MSL1: variants seen among roughly 807,000 people sequenced by gnomAD.
MSL1 encodes the protein MSL complex subunit 1.
MSL1 carries 21 observed loss-of-function variants against 64.6 expected under a neutral mutation model. The ratio of observed to expected loss-of-function variants is 0.33; its 90% confidence interval spans 0.23 to 0.47. The LOEUF (loss-of-function observed/expected upper bound fraction) is 0.47, where lower values mean the gene tolerates loss of function less well. MSL1 is among the 20% of genes least tolerant of loss of function. MSL1 has a pLI of 1.00. For synonymous variants in MSL1, 339 were observed against 329.6 expected (o/e 1.03, Z -0.31); for missense variants, 664 against 793.2 (o/e 0.84, Z 1.96).
intron 3 of MSL1, 65 bp downstream of exon 3, chr17:40,129,692 A>G (rs1421485398): frequency 6.9e-7 from 1 of 1,457,868 alleles, no homozygotes; most frequent in African/African-American, 1.4e-5. Flanking sequence ...AAGTGTGAAA[A>G]TGCCTTTGGC....
chr17:40,129,161 T>C (rs1469550550), intron 2 of MSL1, 84 bp from the exon 3 acceptor site: 1 of 1,193,900 alleles, frequency 8.4e-7, no homozygotes, highest in Non-Finnish European at 1.2e-6. Context: ...AGAACCAGCT[T>C]ATTCTTTTGC....
At position 40,133,115 on chromosome 17, in the gene MSL1, G is replaced by A. The variant is rs1271528932; in HGVS notation, c.1556+6G>A. 6.2e-7 allele frequency: 1 copy of A among 1,603,246 alleles called. No individual in the cohort carries two copies. Among genetic ancestry groups the A allele is most frequent in the East Asian group, 2.2e-5 (1 of 44,620 alleles). ...GATGAGAAGAGAAGGAAAAGGTGAGGCCAGAGATGTCCATCCTGGAAACAA... is the reference window on the plus strand; with the variant it reads ...GATGAGAAGAGAAGGAAAAGGTGAGACCAGAGATGTCCATCCTGGAAACAA... On this transcript the variant is annotated splice_donor_region_variant and intron_variant, in intron 6 of 8. Coordinates refer to ENST00000398532, the MANE Select transcript of MSL1 (RefSeq NM_001365919.1).
Position 40,131,748 on chromosome 17 carries a change from T to C in MSL1, c.1423+164T>C. 2.8e-6 allele frequency: 2 copies of C among 724,518 alleles called. No homozygotes were observed. Among genetic ancestry groups the C allele is most frequent in the Admixed American group, 2.4e-5 (1 of 41,208 alleles). The allele number at this position is 724,518 out of a possible 1,614,324, so 44.9% of individuals were successfully genotyped here. On this transcript the variant is annotated intron_variant, in intron 4 of 8. Transcript: ENST00000398532. The surrounding 1 kb of genome is among the most constrained non-coding windows in gnomAD (Gnocchi z 4.5). ...ACTTCAAAATGACAACAAATTTCAG[T>C]TGTTTTTCAGGAACTGCTATAGCAT...
intron 1 of MSL1, among the ~76,000 whole-genome samples, chr17:40,125,184 GTCCT>G (rs1396498926): frequency 3.3e-5 from 5 of 152,036 alleles, no homozygotes; most frequent in Non-Finnish European, 7.4e-5. Flanking sequence ...TAGTTTTTTA[GTCCT>G]TCCTTTTAAC....
Position 40,134,619 on chromosome 17 carries a change from A to ATAG in MSL1, c.*251_*253dup, listed in dbSNP as rs1389484497. On this transcript the variant is annotated 3_prime_UTR_variant, in exon 9 of 9. Transcript: ENST00000398532. ...GGAAATGGGCTCTCAAGCTAAAGCT[A>ATAG]TAGGATGGCAGATTCAGAAGTTTCA... 2.1e-6 allele frequency: 1 copy of ATAG among 477,784 alleles called. No individual in the cohort carries two copies. Among genetic ancestry groups the ATAG allele is most frequent in the Non-Finnish European group, 3.8e-6 (1 of 262,978 alleles). 29.6% of individuals were successfully genotyped at this position (477,784 alleles called of 1,614,324 possible).
At chr17:40,132,253 A>T (rs918297799) in intron 5 of MSL1, among the ~76,000 whole-genome samples, 155 bp downstream of exon 5, 1 of 152,266 alleles carries the variant, frequency 6.6e-6, no homozygotes, top group Non-Finnish European at 1.5e-5. Flanking sequence ...TTCATTTTAT[A>T]GATTAAAAAA....
In MSL1 at chr17:40,122,777, G is replaced by C; in HGVS notation, c.165G>C (p.Pro55=). ...FLPRHRKLKE[P]GPPLASSQGG... Reference sequence around the variant, plus strand: ...CCCGGCACCGTAAGCTCAAGGAGCCGGGGCCCCCGCTGGCCTCCTCCCAGG... The same window carrying C: ...CCCGGCACCGTAAGCTCAAGGAGCCCGGGCCCCCGCTGGCCTCCTCCCAGG... The change falls in exon 1 of 9, where the codon CCG becomes CCC. Residue 55 remains proline, a synonymous_variant. Transcript: ENST00000398532. The surrounding 1 kb of genome is among the most constrained non-coding windows in gnomAD (Gnocchi z 4.2). The C allele has an allele frequency of 7.2e-7, 1 of 1,383,796 alleles. No homozygotes were observed. The highest frequency in any genetic ancestry group is 9.3e-7 in the Non-Finnish European group (1 of 1,078,092). 85.7% of individuals were successfully genotyped at this position (1,383,796 alleles called of 1,614,324 possible). A position where few individuals can be genotyped will look rare whatever the true frequency, so the allele number is the denominator to read the frequency against.
chr17:40,122,564 T>TTCCCCCCCCCCCCCTCCCCCCC lies in MSL1; in HGVS notation c.-44_-43insCCCCCCCCCTCCCCCCCTCCCC. ...TCCTCGACCCCCCGCACCTCGCCCC[T>TTCCCCCCCCCCCCCTCCCCCCC]TCCCCACCCCCTCCTCCGCCTCGGT... is the stretch of plus-strand genomic sequence containing the variant. On this transcript the variant is annotated 5_prime_UTR_variant, in exon 1 of 9. Coordinates refer to ENST00000398532, the MANE Select transcript of MSL1 (RefSeq NM_001365919.1). This position sits in a 1 kb window ranked among gnomAD's most constrained non-coding sequence, Gnocchi z 4.2. 1.0e-6 allele frequency: 1 copy of TTCCCCCCCCCCCCCTCCCCCCC among 976,538 alleles called. No individual in the cohort carries two copies. Among genetic ancestry groups the TTCCCCCCCCCCCCCTCCCCCCC allele is most frequent in the Non-Finnish European group, 1.3e-6 (1 of 774,240 alleles). The allele number at this position is 976,538 out of a possible 1,614,324, so 60.5% of individuals were successfully genotyped here.
Position 40,122,534 on chromosome 17 carries a change from CT to C in MSL1, c.-78del, listed in dbSNP as rs950123139. ...AGCCCGCCAAACTCCCCTCCCCCCCCTCAGTCCTCGACCCCCCGCACCTCGC... is the reference window on the plus strand; with the variant it reads ...AGCCCGCCAAACTCCCCTCCCCCCCCCAGTCCTCGACCCCCCGCACCTCGC... On this transcript the variant is annotated 5_prime_UTR_variant, in exon 1 of 9. Transcript: ENST00000398532. The surrounding 1 kb of genome is among the most constrained non-coding windows in gnomAD (Gnocchi z 4.2). 19 of 947,830 alleles carry C rather than the reference CT, an allele frequency of 2.0e-5. No individual in the cohort carries two copies. The East Asian group carries it at 3.0e-4, about 15-fold the overall frequency. 58.7% of individuals were successfully genotyped at this position (947,830 alleles called of 1,614,324 possible).
intron 1 of MSL1, chr17:40,124,857 C>T (rs1598410259): frequency 6.6e-6 from 1 of 152,254 alleles, no homozygotes; most frequent in East Asian, 1.9e-4. Flanking sequence ...TGCTCAGTTC[C>T]TGAGGTAATG....
Position 40,123,400 on chromosome 17 carries a change from G to A in MSL1, c.768+20G>A. On this transcript the variant is annotated intron_variant, in intron 1 of 8. Coordinates refer to ENST00000398532, the MANE Select transcript of MSL1 (RefSeq NM_001365919.1). ...GACACGGTACGGGAGGGGTTAATCT[G>A]CATTCGGGCCGAGGAGCGAGTTGTG... 1 of 1,533,400 alleles carries A rather than the reference G, an allele frequency of 6.5e-7. No individual in the cohort carries two copies. The highest frequency in any genetic ancestry group is 2.4e-5 in the East Asian group (1 of 40,872). 95.0% of individuals were successfully genotyped at this position (1,533,400 alleles called of 1,614,324 possible). A position where few individuals can be genotyped will look rare whatever the true frequency, so the allele number is the denominator to read the frequency against.
In MSL1 at chr17:40,123,586, AG is replaced by A. The variant is rs1449875727; in HGVS notation, c.768+211del. ...GGGAAGGGTTAAAGGGCAACCTCTCAGGGGGAGGGGGAGGGGTTTCAGGTGC... is the reference window on the plus strand; with the variant it reads ...GGGAAGGGTTAAAGGGCAACCTCTCAGGGGAGGGGGAGGGGTTTCAGGTGC... On this transcript the variant is annotated intron_variant, in intron 1 of 8. Transcript: ENST00000398532. Among the ~76,000 whole-genome samples, 6 of 151,546 alleles carry A rather than the reference AG, an allele frequency of 4.0e-5. No homozygotes were observed. The South Asian group carries it at 1.0e-3, about 26-fold the overall frequency.
chr17:40,134,447 CT>C lies in MSL1; in HGVS notation c.*81del. 1 of 1,173,510 alleles carries C rather than the reference CT, an allele frequency of 8.5e-7. No homozygotes were observed. The highest frequency in any genetic ancestry group is 1.2e-6 in the Non-Finnish European group (1 of 803,732). 72.7% of individuals were successfully genotyped at this position (1,173,510 alleles called of 1,614,324 possible). A position where few individuals can be genotyped will look rare whatever the true frequency, so the allele number is the denominator to read the frequency against. ...AGTGGCAGAGACCTGTATATGTGAC[CT>C]TTGTCCTCACATATGTTATCACTCG... On this transcript the variant is annotated 3_prime_UTR_variant, in exon 9 of 9. Coordinates refer to ENST00000398532, the MANE Select transcript of MSL1 (RefSeq NM_001365919.1).
Position 40,133,848 on chromosome 17 carries a change from C to A in MSL1, c.1703C>A (p.Pro568His), listed in dbSNP as rs201242174. Residue 568 changes from proline to histidine, a missense_variant, in exon 8 of 9, where the codon CCC (proline) becomes CAC (histidine). By Grantham distance (77) the Pro-to-His change is moderately conservative (BLOSUM62 -2). This residue lies in a region of MSL1 where 76 missense variants were observed against 98.5 expected (regional missense o/e 0.77). Coordinates refer to ENST00000398532, the MANE Select transcript of MSL1 (RefSeq NM_001365919.1). The part of the protein sequence containing the change: ...PDDVESLMIT[P>H]FLPVVAFGRP... Reference sequence around the variant, plus strand: ...ATAGTTGAAAGTTTGATGATTACCCCCTTCTTGCCTGTTGTAGCATTTGGA... The same window carrying A: ...ATAGTTGAAAGTTTGATGATTACCCACTTCTTGCCTGTTGTAGCATTTGGA... 8 of 1,613,898 alleles carry A rather than the reference C, an allele frequency of 5.0e-6. No homozygotes were observed. Among genetic ancestry groups the A allele is most frequent in the South Asian group, 3.3e-5 (3 of 91,082 alleles).
chr17:40,123,468 C>T, intron 1 of MSL1, 88 bp downstream of exon 1: 4 of 1,349,288 alleles, frequency 3.0e-6, no homozygotes, highest in Non-Finnish European at 4.1e-6. Context: ...TAAGGCACCC[C>T]CGGGTTAGGG....
At chr17:40,129,657 C>T (rs1309546895) in intron 3 of MSL1, 30 bp downstream of exon 3, 2 of 1,518,712 alleles carry the variant, frequency 1.3e-6, no homozygotes, top group African/African-American at 1.4e-5. Context: ...TGCTCTTATA[C>T]CCTAGTGGTG....
rs1272915676 is a variant in MSL1, at chr17:40,123,124, G to T, written c.512G>T (p.Gly171Val). The T allele has an allele frequency of 6.5e-7, 1 of 1,531,820 alleles. No individual in the cohort carries two copies. The highest frequency in any genetic ancestry group is 1.4e-5 in the African/African-American group (1 of 72,784). The allele number at this position is 1,531,820 out of a possible 1,614,324, so 94.9% of individuals were successfully genotyped here. The change falls in exon 1 of 9, where the codon GGA becomes GTA. Residue 171 changes from glycine to valine, a missense_variant. Physicochemically the swap from Gly to Val is moderately radical, Grantham distance 109. Transcript: ENST00000398532. Reference protein sequence around the residue: ...SPAATASDPAGPPPLPLPGPP... With the variant: ...SPAATASDPAVPPPLPLPGPP... ...GCTGCCACCGCCTCGGACCCGGCGG[G>T]ACCCCCACCACTACCTCTGCCCGGG...
Position 40,128,549 on chromosome 17 carries a change from AT to A in MSL1, c.993-684del, listed in dbSNP as rs1169931022. On this transcript the variant is annotated intron_variant, in intron 2 of 8. Coordinates refer to ENST00000398532, the MANE Select transcript of MSL1 (RefSeq NM_001365919.1). The stretch of plus-strand genomic sequence containing the variant: ...GCCACCACGCCTGACTAATTTTTGT[AT>A]TTTTTTTTTTTAGTAGAGACGGGGT... Among the ~76,000 whole-genome samples, 924 of 139,912 alleles carry A rather than the reference AT, an allele frequency of 6.6e-3. 3 individuals carry two copies. Among genetic ancestry groups the A allele is most frequent in the African/African-American group, 0.019 (719 of 38,568 alleles). 91.8% of individuals were successfully genotyped at this position (139,912 alleles called of 152,430 possible).
At chr17:40,132,599 A>C (rs1408197725) in intron 5 of MSL1, among the ~76,000 whole-genome samples, 1 of 152,202 alleles carries the variant, frequency 6.6e-6, no homozygotes, top group African/African-American at 2.4e-5. Flanking sequence ...AGATCGCACC[A>C]CTGCACTCCA....
Sources: gnomAD v4.1 joint callset for allele counts (sites outside exome capture counted in the v4.1 genomes callset) on GRCh38, gnomAD v4.1.1 for gene constraint, gnomAD v4.1.1 regional missense constraint, Gnocchi (gnomAD v3.1) non-coding constraint, MANE v1.5 for transcripts, NCBI Gene and HGNC (gene_info 2026-07-23, HGNC 2026-07-21) for gene names.